GARRE1: variants seen among roughly 807,000 people sequenced by gnomAD.
The protein encoded by GARRE1 is granule associated Rac and RHOG effector 1.
A neutral mutation model predicts 103.2 loss-of-function variants in GARRE1; 49 were observed. The observed-to-expected ratio is 0.47, with a 90% confidence interval of 0.38 to 0.60. GARRE1 has a LOEUF of 0.60. Ranked by LOEUF, GARRE1 falls within the 20% of genes least tolerant of loss-of-function variation. GARRE1 has a pLI of 0.00. For missense variants in GARRE1, 1,199 were observed against 1,370.5 expected (o/e 0.87, Z 1.98); for synonymous variants, 505 against 532.8 (o/e 0.95, Z 0.72).
intron 2 of GARRE1, among the ~76,000 whole-genome samples, chr19:34,315,164 A>C (rs2074054327): frequency 6.6e-6 from 1 of 152,194 alleles, no homozygotes; most frequent in African/African-American, 2.4e-5. Flanking sequence ...GGATATGAAA[A>C]AGATGAACTT....
intron 1 of GARRE1, among the ~76,000 whole-genome samples, chr19:34,273,748 T>A (rs1218437423): frequency 6.6e-6 from 1 of 152,104 alleles, no homozygotes; most frequent in Non-Finnish European, 1.5e-5. Context: ...AAGTGGTTTC[T>A]CAGAAGAAGT....
At chr19:34,260,892 T>TA (rs1232484193) in intron 1 of GARRE1, among the ~76,000 whole-genome samples, 1 of 152,208 alleles carries the variant, frequency 6.6e-6, no homozygotes, top group African/African-American at 2.4e-5. Context: ...TCAGAAGAAA[T>TA]ACTTGTGTTT....
At chr19:34,319,343 C>A (rs2074074616) in intron 2 of GARRE1, among the ~76,000 whole-genome samples, 1 of 152,130 alleles carries the variant, frequency 6.6e-6, no homozygotes, top group Non-Finnish European at 1.5e-5. Context: ...ATTTTCTTGA[C>A]TCCTGGAAGA....
intron 13 of GARRE1, among the ~76,000 whole-genome samples, chr19:34,352,389 G>T (rs1447186612): frequency 2.0e-5 from 3 of 147,254 alleles, no homozygotes; most frequent in African/African-American, 7.5e-5. Flanking sequence ...GCGAGAGACA[G>T]ACTGCATCTC....
At chr19:34,347,395 C>G (rs561608000) in intron 10 of GARRE1, among the ~76,000 whole-genome samples, 8 of 152,130 alleles carry the variant, frequency 5.3e-5, no homozygotes, top group African/African-American at 1.7e-4. Context: ...TGGCCCACAC[C>G]CAGCTAATTT....
chr19:34,317,571 G>A (rs1045788684), intron 2 of GARRE1, among the ~76,000 whole-genome samples: 7 of 152,220 alleles, frequency 4.6e-5, no homozygotes, highest in Admixed American at 2.6e-4. Context: ...GCCTACACCA[G>A]TTAAGGTGGA....
intron 2 of GARRE1, among the ~76,000 whole-genome samples, chr19:34,301,719 G>A (rs1207627280): frequency 2.0e-5 from 3 of 146,728 alleles, no homozygotes; most frequent in Non-Finnish European, 3.0e-5. Flanking sequence ...GTCCTGCTCC[G>A]TCGCCCAGGC....
chr19:34,329,254 C>T (rs189030), intron 6 of GARRE1, among the ~76,000 whole-genome samples: 117,965 of 152,176 alleles, frequency 0.78, 46,307 homozygotes, highest in African/African-American at 0.82. Context: ...AGAGCCTGAA[C>T]ACCTGACTAC....
intron 8 of GARRE1, among the ~76,000 whole-genome samples, chr19:34,337,255 G>A (rs1320520837): frequency 2.6e-5 from 4 of 152,032 alleles, no homozygotes; most frequent in South Asian, 2.1e-4. Context: ...AGACACACAG[G>A]GTCCCTGCCC....
chr19:34,269,420 T>C (rs767475006), intron 1 of GARRE1, among the ~76,000 whole-genome samples: 4 of 152,254 alleles, frequency 2.6e-5, no homozygotes, highest in Non-Finnish European at 5.9e-5. Flanking sequence ...TGGCACTGAT[T>C]AGAATGTTTA....
At position 34,300,799 on chromosome 19, in the gene GARRE1, A is replaced by C. The variant is rs760940741; in HGVS notation, c.326A>C (p.His109Pro). Residue 109 changes from histidine to proline, a missense_variant, in exon 2 of 14, where the codon CAC becomes CCC. His to Pro is a moderately conservative substitution (Grantham distance 77). Coordinates refer to ENST00000299505, the MANE Select transcript of GARRE1 (RefSeq NM_014686.5). ...TTCAGCACTGTGTTCAGGAACTCTC[A>C]CTACTCAAAGGCAGCCACACAGCTC... Reference protein sequence around the residue: ...DLFSTVFRNSHYSKAATQLKD... With the variant: ...DLFSTVFRNSPYSKAATQLKD... The C allele has an allele frequency of 1.7e-5, 28 of 1,614,050 alleles. No individual in the cohort carries two copies. The highest frequency in any genetic ancestry group is 2.2e-5 in the Non-Finnish European group (26 of 1,180,036).
intron 1 of GARRE1, among the ~76,000 whole-genome samples, chr19:34,293,594 G>A (rs902210598): frequency 2.7e-5 from 4 of 150,206 alleles, no homozygotes; most frequent in Admixed American, 1.3e-4. Context: ...ACAGGGTTTC[G>A]CCATGTTGCC....
intron 1 of GARRE1, among the ~76,000 whole-genome samples, chr19:34,261,945 T>G (rs937237710): frequency 6.6e-6 from 1 of 152,118 alleles, no homozygotes; most frequent in African/African-American, 2.4e-5. Flanking sequence ...TACTTACCTC[T>G]GGTATGTGTG....
At chr19:34,254,893 C>A (rs1267953025) in intron 1 of GARRE1, among the ~76,000 whole-genome samples, 1 of 150,690 alleles carries the variant, frequency 6.6e-6, no homozygotes, top group East Asian at 1.9e-4. Context: ...GGAGACTCGG[C>A]GGCCGCGGCA....
At chr19:34,281,945 T>C (rs2073856685) in intron 1 of GARRE1, among the ~76,000 whole-genome samples, 1 of 152,226 alleles carries the variant, frequency 6.6e-6, no homozygotes, top group Admixed American at 6.5e-5. Context: ...CTATACGTTG[T>C]AGGTAAACAT....
intron 1 of GARRE1, among the ~76,000 whole-genome samples, chr19:34,289,935 A>G (rs780171470): frequency 6.6e-6 from 1 of 152,196 alleles, no homozygotes; most frequent in Admixed American, 6.5e-5. Context: ...TTAGATGATC[A>G]TGAAGGGCCT....
At chr19:34,256,366 A>C (rs1206447970) in intron 1 of GARRE1, among the ~76,000 whole-genome samples, 2 of 151,712 alleles carry the variant, frequency 1.3e-5, no homozygotes, top group African/African-American at 2.4e-5. Context: ...ATACAAAAAA[A>C]CACATTAGCC....
At chr19:34,301,782 A>G (rs1365325730) in intron 2 of GARRE1, among the ~76,000 whole-genome samples, 1 of 149,624 alleles carries the variant, frequency 6.7e-6, no homozygotes, top group Non-Finnish European at 1.5e-5. Flanking sequence ...TCCTGGGTTC[A>G]TGCCATTCTC....
At chr19:34,318,057 G>A (rs2074068076) in intron 2 of GARRE1, among the ~76,000 whole-genome samples, 1 of 152,236 alleles carries the variant, frequency 6.6e-6, no homozygotes, top group Non-Finnish European at 1.5e-5. Flanking sequence ...CCTCTGGAGG[G>A]CAAGTGCTTT....
Sources: allele counts gnomAD v4.1 joint callset (sites outside exome capture counted in the v4.1 genomes callset), GRCh38; gene constraint gnomAD v4.1.1; transcripts MANE v1.5; gene names NCBI Gene and HGNC (gene_info 2026-07-23, HGNC 2026-07-21).